EPHA5: variants seen among roughly 807,000 people sequenced by gnomAD.
The protein encoded by EPHA5 is EPH receptor A5.
EPHA5 carries 60 observed loss-of-function variants against 105.0 expected under a neutral mutation model. The ratio of observed to expected loss-of-function variants is 0.57; its 90% CI spans 0.46 to 0.71. EPHA5 has a LOEUF of 0.71. EPHA5 is among the 30% of genes least tolerant of loss of function. The probability of loss-of-function intolerance (pLI) is 0.00; values close to 1 mark genes in which losing one functional copy is unlikely to be tolerated. For synonymous variants in EPHA5, 513 were observed against 449.1 expected, an observed-to-expected ratio of 1.14 and a Z score of -1.80; for missense variants, 1,218 against 1,274.7, an observed-to-expected ratio of 0.96 and a Z score of 0.68.
chr4:65,539,136 G>A (rs905760797), intron 3 of EPHA5, among the ~76,000 whole-genome samples: 2 of 151,592 alleles, frequency 1.3e-5, no homozygotes, highest in Non-Finnish European at 3.0e-5. Context: ...AACTGTAGGT[G>A]GAGAGGCATT....
At chr4:65,605,823 A>G (rs968926037) in intron 2 of EPHA5, among the ~76,000 whole-genome samples, 4 of 152,164 alleles carry the variant, frequency 2.6e-5, no homozygotes, top group African/African-American at 9.7e-5. Flanking sequence ...GCTGAGATCC[A>G]ATCTCTGGCA....
At chr4:65,504,632 C>G (rs1468732306) in intron 3 of EPHA5, among the ~76,000 whole-genome samples, 2 of 151,794 alleles carry the variant, frequency 1.3e-5, no homozygotes, top group East Asian at 3.9e-4. Flanking sequence ...TGCGGATGTG[C>G]TTGACATATA....
At chr4:65,475,496 C>A (rs1729708276) in intron 5 of EPHA5, among the ~76,000 whole-genome samples, 1 of 152,060 alleles carries the variant, frequency 6.6e-6, no homozygotes, top group Non-Finnish European at 1.5e-5. Context: ...CTACACAGCA[C>A]ACTAAGAAGA....
chr4:65,418,094 C>A (rs1039011397), intron 6 of EPHA5, among the ~76,000 whole-genome samples: 1 of 152,060 alleles, frequency 6.6e-6, no homozygotes, highest in African/African-American at 2.4e-5. Context: ...GTCAAATATA[C>A]AGTTTTTGGT....
chr4:65,603,123 T>C lies in EPHA5; in HGVS notation c.247-819A>G, dbSNP rs568733496. Reference sequence around the variant, plus strand: ...TATTTTATGCATATGGCCTTAAGAGTTCTGAAGATATACAGGACGTAAAAA... The same window carrying C: ...TATTTTATGCATATGGCCTTAAGAGCTCTGAAGATATACAGGACGTAAAAA... On this transcript the variant is annotated intron_variant, in intron 2 of 16. Coordinates refer to ENST00000613740, the MANE Select transcript of EPHA5 (RefSeq NM_001281766.3). Among the ~76,000 whole-genome samples, 528 of 152,168 alleles carry C rather than the reference T, an allele frequency of 3.5e-3. 2 individuals carry two copies. The highest frequency in any genetic ancestry group is 6.4e-3 in the Non-Finnish European group (436 of 67,968).
At chr4:65,658,455 G>A (rs531879407) in intron 1 of EPHA5, among the ~76,000 whole-genome samples, 5 of 152,044 alleles carry the variant, frequency 3.3e-5, no homozygotes, top group African/African-American at 9.6e-5. Flanking sequence ...TTTTCTTCTG[G>A]CATTTCCACT....
chr4:65,362,289 A>G (rs1717408203), intron 11 of EPHA5, among the ~76,000 whole-genome samples: 1 of 151,592 alleles, frequency 6.6e-6, no homozygotes, highest in African/African-American at 2.4e-5. Context: ...AGTTGCACTT[A>G]TGTCTCATTA....
intron 6 of EPHA5, among the ~76,000 whole-genome samples, chr4:65,419,463 C>T (rs1456388724): frequency 6.6e-6 from 1 of 152,120 alleles, no homozygotes; most frequent in African/African-American, 2.4e-5. Context: ...TCCTTCTCTT[C>T]TTTTTTGGGA....
intron 3 of EPHA5, among the ~76,000 whole-genome samples, chr4:65,509,961 T>C (rs1430278531): frequency 2.6e-5 from 4 of 152,102 alleles, no homozygotes; most frequent in Non-Finnish European, 4.4e-5. Flanking sequence ...CTAAGCCTTC[T>C]TACAAATGTT....
intron 5 of EPHA5, among the ~76,000 whole-genome samples, chr4:65,443,905 C>CTGTG (rs57129731): frequency 0.19 from 28,561 of 149,646 alleles, 2,792 homozygotes; most frequent in East Asian, 0.22. Flanking sequence ...GTTTGTGTGC[C>CTGTG]TGTGTGTGTG....
chr4:65,359,984 C>G (rs1280310290), intron 11 of EPHA5, among the ~76,000 whole-genome samples: 1 of 151,618 alleles, frequency 6.6e-6, no homozygotes, highest in Non-Finnish European at 1.5e-5. Context: ...CATTCCACTG[C>G]AGCGCCAATG....
intron 8 of EPHA5, among the ~76,000 whole-genome samples, chr4:65,381,079 C>T (rs1286554432): frequency 6.6e-6 from 1 of 150,800 alleles, no homozygotes; most frequent in Non-Finnish European, 1.5e-5. Flanking sequence ...GTTTGGGGCT[C>T]ACAGTCAGCA....
intron 3 of EPHA5, among the ~76,000 whole-genome samples, chr4:65,523,411 T>C (rs1357499801): frequency 6.6e-6 from 1 of 151,962 alleles, no homozygotes; most frequent in Non-Finnish European, 1.5e-5. Context: ...GCTAATGTAA[T>C]GAAGAGAATC....
chr4:65,610,410 C>G (rs1440835357), intron 2 of EPHA5, among the ~76,000 whole-genome samples: 2 of 151,996 alleles, frequency 1.3e-5, no homozygotes, highest in African/African-American at 4.8e-5. Flanking sequence ...GGCTGCCTAT[C>G]CGGTACTATG....
chr4:65,598,158 T>C (rs1178731773), intron 3 of EPHA5, among the ~76,000 whole-genome samples: 1 of 152,184 alleles, frequency 6.6e-6, no homozygotes, highest in Non-Finnish European at 1.5e-5. Flanking sequence ...TATGGCCATA[T>C]TATATTTAAG....
At chr4:65,420,382 T>C (rs6551922) in intron 6 of EPHA5, 59 bp downstream of exon 6, 1,403,342 of 1,465,552 alleles carry the variant, frequency 0.96, 675,425 homozygotes, top group East Asian at 1. Context: ...TGGATAATTG[T>C]AGTTGCTAAA....
intron 3 of EPHA5, among the ~76,000 whole-genome samples, chr4:65,532,614 T>TC (rs1735911021): frequency 6.6e-6 from 1 of 151,152 alleles, no homozygotes; most frequent in Non-Finnish European, 1.5e-5. Flanking sequence ...GCTCTTTTTT[T>TC]TTTTACTTTC....
At chr4:65,561,262 G>T (rs1738983639) in intron 3 of EPHA5, among the ~76,000 whole-genome samples, 1 of 151,832 alleles carries the variant, frequency 6.6e-6, no homozygotes, top group Non-Finnish European at 1.5e-5. Context: ...TCTAAGAATG[G>T]GAAGACCTAT....
chr4:65,610,537 C>T lies in EPHA5; in HGVS notation c.247-8233G>A, dbSNP rs914224654. ...CCTAAAATAAAAATAGAAGAATAAA[C>T]AAATTAATTAATTAATTAATTAAAC... On this transcript the variant is annotated intron_variant, in intron 2 of 16. Transcript: ENST00000613740. 4.0e-4 allele frequency among the ~76,000 whole-genome samples: 60 copies of T among 151,804 alleles called. No individual in the cohort carries two copies. In the Middle Eastern group the frequency reaches 0.014, roughly 35 times the overall value.
Sources: gnomAD v4.1 joint callset for allele counts (sites outside exome capture counted in the v4.1 genomes callset) on GRCh38, gnomAD v4.1.1 for gene constraint, MANE v1.5 for transcripts, NCBI Gene and HGNC (gene_info 2026-07-23, HGNC 2026-07-21) for gene names.